The following PPFIBP2 variants were observed in gnomAD, a reference collection of about 807,000 sequenced individuals.
The protein encoded by PPFIBP2 is liprin-beta-2.
PPFIBP2 carries 118 observed loss-of-function variants against 118.3 expected under a neutral mutation model. That is an observed-to-expected ratio of 1.00 (90% CI 0.86 to 1.16). The LOEUF (loss-of-function observed/expected upper bound fraction) is 1.16. Among genes scored for constraint, PPFIBP2 ranks in the 50% most tolerant of loss-of-function variants. The pLI is 0.00. For missense variants in PPFIBP2, 1,195 were observed against 1,073.1 expected, an observed-to-expected ratio of 1.11 and a Z score of -1.59; for synonymous variants, 414 against 397.4, an observed-to-expected ratio of 1.04 and a Z score of -0.50.
At chr11:7,568,004 A>G (rs1299453201) in intron 3 of PPFIBP2, among the ~76,000 whole-genome samples, 1 of 152,190 alleles carries the variant, frequency 6.6e-6, no homozygotes, top group African/African-American at 2.4e-5. Flanking sequence ...GATGGTTTGA[A>G]GGATTAGGCA....
At chr11:7,614,558 T>G (rs962814790) in intron 6 of PPFIBP2, among the ~76,000 whole-genome samples, 1 of 152,364 alleles carries the variant, frequency 6.6e-6, no homozygotes, top group African/African-American at 2.4e-5. Context: ...TTTCTGCTAT[T>G]ACAAATAATG....
chr11:7,625,728 G>A, intron 7 of PPFIBP2, 49 bp from the exon 8 acceptor site: 3 of 1,497,768 alleles, frequency 2.0e-6, no homozygotes, highest in Non-Finnish European at 1.9e-6. Context: ...ACTTCATCAT[G>A]ATTTGGCAGT....
At chr11:7,642,271 C>A in intron 16 of PPFIBP2, 27 bp from the exon 17 acceptor site, 1 of 1,612,100 alleles carries the variant, frequency 6.2e-7, no homozygotes, top group Admixed American at 1.7e-5. Context: ...ATTCCATGAC[C>A]GTCTCCATGG....
chr11:7,605,968 TTAA>T, intron 5 of PPFIBP2: 1 of 1,534,936 alleles, frequency 6.5e-7, no homozygotes, highest in Non-Finnish European at 8.7e-7. Context: ...AATGGGAAAG[TTAA>T]TAACAAGGAT....
chr11:7,657,939 G>A (rs934019513), downstream of PPFIBP2, among the ~76,000 whole-genome samples: 3 of 152,312 alleles, frequency 2.0e-5, no homozygotes, highest in African/African-American at 7.2e-5. Context: ...AAGGAGATCT[G>A]TGCTCCTAAG....
chr11:7,622,351 G>C (rs1037204965), intron 7 of PPFIBP2, among the ~76,000 whole-genome samples: 2 of 151,990 alleles, frequency 1.3e-5, no homozygotes, highest in African/African-American at 4.8e-5. Context: ...CTCCTACCAG[G>C]GCCCACCTCC....
chr11:7,620,338 C>T (rs137856751), intron 6 of PPFIBP2, among the ~76,000 whole-genome samples: 1 of 152,318 alleles, frequency 6.6e-6, no homozygotes, highest in African/African-American at 2.4e-5. Flanking sequence ...CTTTCTGTCT[C>T]CTATCTTTAC....
At chr11:7,566,938 A>T (rs1855064271) in intron 3 of PPFIBP2, among the ~76,000 whole-genome samples, 1 of 152,176 alleles carries the variant, frequency 6.6e-6, no homozygotes. Context: ...GTCTATTCGT[A>T]GTCTATGCTG....
intron 6 of PPFIBP2, among the ~76,000 whole-genome samples, chr11:7,610,970 C>T (rs1158720666): frequency 6.6e-6 from 1 of 152,200 alleles, no homozygotes; most frequent in Non-Finnish European, 1.5e-5. Context: ...TTGGCTGGAA[C>T]ATGCCAGACT....
In PPFIBP2 at chr11:7,653,550, A is replaced by C. The variant is rs558385418; in HGVS notation, c.*332A>C. ...CGATGCAGGTCCAGAGACCATGGAC[A>C]CTCCCACGAGGCTCAGCTCTCAGGC... On this transcript the variant is annotated 3_prime_UTR_variant, in exon 24 of 24. Transcript: ENST00000299492. 7 of 1,319,418 alleles carry C rather than the reference A, an allele frequency of 5.3e-6. No homozygotes were observed. Among genetic ancestry groups the C allele is most frequent in the Non-Finnish European group, 6.9e-6 (7 of 1,009,478 alleles). The allele number at this position is 1,319,418 out of a possible 1,614,324, so 81.7% of individuals were successfully genotyped here. A position where few individuals can be genotyped will look rare whatever the true frequency, so the allele number is the denominator to read the frequency against.
Position 7,649,177 on chromosome 11 carries a change from A to G in PPFIBP2, c.1940A>G (p.Tyr647Cys). 14 of 1,614,132 alleles carry G rather than the reference A, an allele frequency of 8.7e-6. No individual in the cohort carries two copies. Among genetic ancestry groups the G allele is most frequent in the African/African-American group, 1.3e-5 (1 of 75,044 alleles). The change falls in exon 20 of 24, where the codon TAC becomes TGC. Residue 647 changes from tyrosine (Y) to cysteine (C), a missense_variant. Coordinates refer to ENST00000299492, the MANE Select transcript of PPFIBP2 (RefSeq NM_003621.5). ...CTTGATGATATTGGCTTACCCCAGTACAAAGACCAGTTTCATGAATCTAGA... is the reference window on the plus strand; with the variant it reads ...CTTGATGATATTGGCTTACCCCAGTGCAAAGACCAGTTTCATGAATCTAGA... ...RWLDDIGLPQ[Y>C]KDQFHESRVD...
At chr11:7,665,549 GA>G in the PPFIBP2 span, 1 of 1,597,500 alleles carries the variant, frequency 6.3e-7, no homozygotes, top group South Asian at 1.1e-5. Context: ...CTTCCAGCCT[GA>G]AATGAAGGAG....
chr11:7,597,138 A>G, intron 4 of PPFIBP2: 1 of 1,431,956 alleles, frequency 7.0e-7, no homozygotes, highest in Non-Finnish European at 9.1e-7. Context: ...GAGAGAGGTA[A>G]GGTCATTGGT....
At chr11:7,656,799 C>T (rs534864268), downstream of PPFIBP2, 5 of 1,289,858 alleles carry the variant, frequency 3.9e-6, no homozygotes, top group African/African-American at 6.1e-5. Flanking sequence ...CTGGAGATGA[C>T]TTTCTTCGTG....
chr11:7,540,675 A>C (rs1347101327), intron 1 of PPFIBP2, among the ~76,000 whole-genome samples: 1 of 152,212 alleles, frequency 6.6e-6, no homozygotes, highest in Non-Finnish European at 1.5e-5. Context: ...TCCAGTGCTT[A>C]CAGAATGGGG....
intron 2 of PPFIBP2, among the ~76,000 whole-genome samples, chr11:7,557,402 AT>A (rs1337844255): frequency 9.9e-5 from 15 of 151,656 alleles, no homozygotes; most frequent in Admixed American, 9.9e-4. Context: ...TAGTGTATTG[AT>A]TTAGTTACGT....
At chr11:7,663,346 T>G in the PPFIBP2 span, among the ~76,000 whole-genome samples, 1 of 151,288 alleles carries the variant, frequency 6.6e-6, no homozygotes, top group African/African-American at 2.4e-5. Context: ...TCCTTTCTGT[T>G]TGTTAGTTTT....
intron 1 of PPFIBP2, among the ~76,000 whole-genome samples, chr11:7,533,241 G>A (rs1165034235): frequency 6.6e-6 from 1 of 152,136 alleles, no homozygotes; most frequent in African/African-American, 2.4e-5. Flanking sequence ...TGAATATCTG[G>A]CTGTAAGAGA....
chr11:7,540,393 T>A (rs963191803), intron 1 of PPFIBP2, among the ~76,000 whole-genome samples: 1 of 151,896 alleles, frequency 6.6e-6, no homozygotes, highest in Non-Finnish European at 1.5e-5. Context: ...TGGTGCCCAG[T>A]TGGATGTGGG....
Sources: allele counts gnomAD v4.1 joint callset (sites outside exome capture counted in the v4.1 genomes callset), GRCh38; gene constraint gnomAD v4.1.1; transcripts MANE v1.5; gene names NCBI Gene and HGNC (gene_info 2026-07-23, HGNC 2026-07-21).